Variants in RCAN1 observed in about 807,000 individuals in gnomAD.
RCAN1 encodes the protein calcipressin-1.
A neutral mutation model predicts 22.9 loss-of-function variants in RCAN1; 11 were observed. The ratio of observed to expected loss-of-function variants is 0.48; its 90% CI spans 0.30 to 0.79. The LOEUF is 0.79. Ranked by LOEUF, RCAN1 falls within the 30% of genes least tolerant of loss-of-function variation. The pLI, the probability that RCAN1 is intolerant of heterozygous loss-of-function variation, is 0.06. For synonymous variants in RCAN1, 136 were observed against 142.3 expected, an observed-to-expected ratio of 0.96 and a Z score of 0.32; for missense variants, 291 against 337.8, an observed-to-expected ratio of 0.86 and a Z score of 1.09.
chr21:34,568,090 C>T (rs1373704871), intron 1 of RCAN1, among the ~76,000 whole-genome samples: 1 of 152,164 alleles, frequency 6.6e-6, no homozygotes. Flanking sequence ...CTGCTTGGGA[C>T]CTCTGCCCCA....
chr21:34,572,070 G>A (rs1987253259), intron 1 of RCAN1, among the ~76,000 whole-genome samples: 1 of 152,122 alleles, frequency 6.6e-6, no homozygotes. Context: ...ACGGTAGGAT[G>A]GAAAATCTGC....
chr21:34,564,672 T>C (rs1986938452), intron 1 of RCAN1, among the ~76,000 whole-genome samples: 1 of 152,106 alleles, frequency 6.6e-6, no homozygotes, highest in African/African-American at 2.4e-5. Context: ...GTAAGTTGGA[T>C]ACAATATTCA....
At chr21:34,558,673 T>C (rs2123660019) in intron 1 of RCAN1, among the ~76,000 whole-genome samples, 1 of 152,378 alleles carries the variant, frequency 6.6e-6, no homozygotes, top group East Asian at 1.9e-4. Flanking sequence ...AGTTTTACTC[T>C]GGTTTTTCAA....
chr21:34,543,437 C>T (rs1048359840), intron 1 of RCAN1, among the ~76,000 whole-genome samples: 1 of 152,166 alleles, frequency 6.6e-6, no homozygotes, highest in Admixed American at 6.5e-5. Flanking sequence ...GAAAAGGCAA[C>T]GAAACGGATT....
At chr21:34,574,995 G>T (rs1987364872) in intron 1 of RCAN1, among the ~76,000 whole-genome samples, 1 of 149,944 alleles carries the variant, frequency 6.7e-6, no homozygotes, top group African/African-American at 2.4e-5. Flanking sequence ...ACGCATGGCT[G>T]ATGGAGGCAG....
At chr21:34,569,278 C>T (rs113518387) in intron 1 of RCAN1, among the ~76,000 whole-genome samples, 1,655 of 152,272 alleles carry the variant, frequency 0.011, 25 homozygotes, top group African/African-American at 0.035. Context: ...AAATGCCTTC[C>T]AGCACTAAAC....
At chr21:34,565,154 G>A (rs987758614) in intron 1 of RCAN1, among the ~76,000 whole-genome samples, 1 of 152,192 alleles carries the variant, frequency 6.6e-6, no homozygotes, top group Non-Finnish European at 1.5e-5. Context: ...AGCCGTGATG[G>A]TGTCACTGCA....
chr21:34,573,271 T>C (rs1438067301), intron 1 of RCAN1, among the ~76,000 whole-genome samples: 2 of 152,276 alleles, frequency 1.3e-5, no homozygotes, highest in Non-Finnish European at 2.9e-5. Context: ...TTTGGCATGG[T>C]AATGGTGAAT....
chr21:34,575,508 G>A (rs1337579893), intron 1 of RCAN1, among the ~76,000 whole-genome samples: 1 of 152,144 alleles, frequency 6.6e-6, no homozygotes, highest in Non-Finnish European at 1.5e-5. Flanking sequence ...CAAAGTTAAA[G>A]TGTTTTTTAT....
chr21:34,516,633 A>AGGAG lies in RCAN1; in HGVS notation c.*1450_*1451insCTCC. 6.6e-6 allele frequency: 1 copy of AGGAG among 152,380 alleles called. No homozygotes were observed. The highest frequency in any genetic ancestry group is 3.4e-3 in the Middle Eastern group (1 of 294). The allele number at this position is 152,380 out of a possible 1,614,324, so 9.4% of individuals were successfully genotyped here. A position where few individuals can be genotyped will look rare whatever the true frequency, so the allele number is the denominator to read the frequency against. ...CTCCCAAACCGGCTCCCTCTTACCAAGTACCGTAAACAGGGTTTGAGAACG... is the reference window on the plus strand; with the variant it reads ...CTCCCAAACCGGCTCCCTCTTACCAAGGAGGTACCGTAAACAGGGTTTGAGAACG... On this transcript the variant is annotated 3_prime_UTR_variant, in exon 4 of 4. Coordinates refer to ENST00000313806, the MANE Select transcript of RCAN1 (RefSeq NM_004414.7).
chr21:34,571,977 A>C (rs1304354874), intron 1 of RCAN1, among the ~76,000 whole-genome samples: 3 of 152,246 alleles, frequency 2.0e-5, no homozygotes, highest in Non-Finnish European at 4.4e-5. Context: ...TGGTTTACCA[A>C]GAAACTGTGG....
chr21:34,528,426 C>T (rs114731182), intron 1 of RCAN1, among the ~76,000 whole-genome samples: 3,709 of 152,264 alleles, frequency 0.024, 117 homozygotes, highest in African/African-American at 0.068. Context: ...AAGACATAAA[C>T]GCATGTATTC....
intron 1 of RCAN1, among the ~76,000 whole-genome samples, chr21:34,593,868 T>C (rs1438556008): frequency 6.6e-6 from 1 of 152,224 alleles, no homozygotes; most frequent in Non-Finnish European, 1.5e-5. Flanking sequence ...TATGCCTGGG[T>C]GCCCACTGCT....
Position 34,521,601 on chromosome 21 carries a change from T to G in RCAN1, c.484A>C (p.Ile162Leu). The G allele has an allele frequency of 6.2e-7, 1 of 1,614,030 alleles. No homozygotes were observed. The highest frequency in any genetic ancestry group is 8.5e-7 in the Non-Finnish European group (1 of 1,179,990). ...ACTGGCGGAGAGGCGGGAGGGGAGA[T>G]CAGAAACTGCTTGTCTGGATTTGGC... ...APPNPDKQFL[I>L]SPPASPPVGW... Residue 162 changes from isoleucine (I) to leucine (L), a missense_variant, in exon 3 of 4, where the codon ATC (isoleucine) becomes CTC (leucine). Ile to Leu is a conservative substitution (Grantham distance 5). Transcript: ENST00000313806.
intron 1 of RCAN1, among the ~76,000 whole-genome samples, chr21:34,560,948 C>A (rs147384753): frequency 4.1e-4 from 63 of 152,278 alleles, no homozygotes; most frequent in African/African-American, 1.2e-3. Context: ...TCTCGATAAT[C>A]CCCACATGTC....
Position 34,565,458 on chromosome 21 carries a change from T to A in RCAN1, c.253-41748A>T, listed in dbSNP as rs1386689000. On this transcript the variant is annotated intron_variant, in intron 1 of 3. Coordinates refer to ENST00000313806, the MANE Select transcript of RCAN1 (RefSeq NM_004414.7). The stretch of plus-strand genomic sequence containing the variant: ...CTCTGTGGCAATGTCACCTATCCTA[T>A]CCCGTGCCCTCAAATGGGGGCTACT... 3.9e-5 allele frequency among the ~76,000 whole-genome samples: 6 copies of A among 152,142 alleles called. No homozygotes were observed. The East Asian group carries it at 1.2e-3, about 29-fold the overall frequency.
At chr21:34,613,814 T>C in intron 1 of RCAN1, 1 of 1,491,492 alleles carries the variant, frequency 6.7e-7, no homozygotes, top group South Asian at 1.3e-5. Flanking sequence ...ACAGTGGTGT[T>C]GTATTGGCAG....
intron 1 of RCAN1, among the ~76,000 whole-genome samples, chr21:34,546,318 T>C (rs1301060289): frequency 6.6e-6 from 1 of 152,076 alleles, no homozygotes. Context: ...AAAATGACAT[T>C]AAAATGCTGA....
chr21:34,559,139 G>A (rs560633000), intron 1 of RCAN1: 1 of 152,232 alleles, frequency 6.6e-6, no homozygotes, highest in Non-Finnish European at 1.5e-5. Context: ...TGCAAAGATG[G>A]ATGGATGTAG....
Sources: allele counts gnomAD v4.1 joint callset (sites outside exome capture counted in the v4.1 genomes callset), GRCh38; gene constraint gnomAD v4.1.1; transcripts MANE v1.5; gene names NCBI Gene and HGNC (gene_info 2026-07-23, HGNC 2026-07-21).